RANBP3: variants seen among roughly 807,000 people sequenced by gnomAD.
The protein encoded by RANBP3 is RAN binding protein 3, also known as ran-binding protein 3.
Under a neutral mutation model 77.3 loss-of-function variants are expected in RANBP3, and 14 were observed. That is an observed-to-expected ratio of 0.18 (90% CI 0.12 to 0.28). The LOEUF is 0.28. RANBP3 is among the 10% of genes least tolerant of loss of function. The pLI is 1.00. For synonymous variants in RANBP3, 315 were observed against 312.4 expected (o/e 1.01, Z -0.09); for missense variants, 586 against 752.3 (o/e 0.78, Z 2.59).
intron 10 of RANBP3, 33 bp downstream of exon 10, chr19:5,925,601 T>C: frequency 6.3e-7 from 1 of 1,594,148 alleles, no homozygotes; most frequent in Non-Finnish European, 8.6e-7. Flanking sequence ...TGCATCGCCA[T>C]GCCAGGCTGG....
chr19:5,951,243 C>A, intron 3 of RANBP3, 150 bp downstream of exon 3: 2 of 794,718 alleles, frequency 2.5e-6, no homozygotes, highest in South Asian at 3.1e-5. Flanking sequence ...TGAATTAAAG[C>A]GAGCTGGAAG....
intron 2 of RANBP3, 111 bp from the exon 3 acceptor site, chr19:5,951,707 T>C (rs1488729787): frequency 4.0e-6 from 4 of 991,146 alleles, no homozygotes; most frequent in Non-Finnish European, 4.5e-6. Context: ...CAGCAGCTCC[T>C]GCGCCTGGGA....
At chr19:5,925,417 G>T (rs2057891514) in intron 10 of RANBP3, 3 of 593,152 alleles carry the variant, frequency 5.1e-6, no homozygotes, top group Non-Finnish European at 6.0e-6. Context: ...CAGAACTCTG[G>T]TCCTGTCTCA....
intron 9 of RANBP3, among the ~76,000 whole-genome samples, chr19:5,927,469 T>C (rs981309544): frequency 5.9e-5 from 9 of 152,222 alleles, no homozygotes; most frequent in African/African-American, 2.2e-4. Context: ...GGTTGTCAGA[T>C]GTCAGGAGCA....
At chr19:5,950,287 C>T (rs892833267) in intron 3 of RANBP3, among the ~76,000 whole-genome samples, 1 of 152,174 alleles carries the variant, frequency 6.6e-6, no homozygotes, top group Non-Finnish European at 1.5e-5. Context: ...TCTCACTACC[C>T]CAAACCCACT....
At chr19:5,954,890 G>A (rs1365420057) in intron 2 of RANBP3, among the ~76,000 whole-genome samples, 1 of 152,178 alleles carries the variant, frequency 6.6e-6, no homozygotes, top group Non-Finnish European at 1.5e-5. Context: ...TGGCAGAAAG[G>A]ACTCTAGGGC....
intron 5 of RANBP3, among the ~76,000 whole-genome samples, chr19:5,937,055 C>CAAAAAA (rs1568458812): frequency 1.4e-4 from 1 of 7,156 alleles, no homozygotes. Flanking sequence ...GACTCTGTCT[C>CAAAAAA]CAAAAAAAAA....
intron 3 of RANBP3, 129 bp from the exon 4 acceptor site, chr19:5,941,964 T>C (rs1468136688): frequency 2.9e-6 from 3 of 1,017,430 alleles, no homozygotes; most frequent in Admixed American, 2.0e-5. Flanking sequence ...AGCACCCGAA[T>C]GAGAGCCAGG....
intron 3 of RANBP3, among the ~76,000 whole-genome samples, chr19:5,946,905 C>G (rs1193176523): frequency 6.6e-6 from 1 of 152,222 alleles, no homozygotes; most frequent in South Asian, 2.1e-4. Flanking sequence ...AGTCTGGGGC[C>G]ACCCCTCACC....
In RANBP3 at chr19:5,917,782, C is replaced by T. The variant is rs1178697824; in HGVS notation, c.1660+12G>A. ...TTTCTATCCCCCCCAGGGTAGGGAC[C>T]ACCCGACTCACCAGCTGCGGTGGCC... On this transcript the variant is annotated intron_variant, in intron 16 of 16. Coordinates refer to ENST00000340578, the MANE Select transcript of RANBP3 (RefSeq NM_007322.3). The T allele has an allele frequency of 6.2e-7, 1 of 1,602,332 alleles. No individual in the cohort carries two copies. The highest frequency in any genetic ancestry group is 8.5e-7 in the Non-Finnish European group (1 of 1,174,208).
chr19:5,970,027 G>C (rs1169345032), intron 1 of RANBP3, among the ~76,000 whole-genome samples: 1 of 152,148 alleles, frequency 6.6e-6, no homozygotes, highest in African/African-American at 2.4e-5. Flanking sequence ...CATCTCCCTG[G>C]AGACACTGGT....
chr19:5,976,177 C>G (rs1352255203), intron 1 of RANBP3, among the ~76,000 whole-genome samples: 2 of 152,142 alleles, frequency 1.3e-5, no homozygotes, highest in Non-Finnish European at 2.9e-5. Flanking sequence ...ACCTGCCTAA[C>G]TAACTACAAT....
chr19:5,964,856 G>GGGT (rs1418214588), intron 1 of RANBP3, among the ~76,000 whole-genome samples: 1 of 129,170 alleles, frequency 7.7e-6, no homozygotes, highest in Non-Finnish European at 1.7e-5. Context: ...GTAGGGTGGG[G>GGGT]GGGGGGGTGG....
intron 2 of RANBP3, among the ~76,000 whole-genome samples, chr19:5,953,411 G>C (rs551691629): frequency 1.3e-5 from 2 of 152,290 alleles, no homozygotes; most frequent in Admixed American, 1.3e-4. Context: ...CCAGGGCTAA[G>C]CTCATCACAC....
intron 8 of RANBP3, among the ~76,000 whole-genome samples, chr19:5,928,641 A>G (rs969355573): frequency 6.6e-6 from 1 of 152,048 alleles, no homozygotes; most frequent in Admixed American, 6.6e-5. Context: ...GCCCAGGAAA[A>G]TAAGTCGGGA....
At chr19:5,977,400 CA>C (rs1259255530) in intron 1 of RANBP3, among the ~76,000 whole-genome samples, 1 of 151,914 alleles carries the variant, frequency 6.6e-6, no homozygotes, top group Non-Finnish European at 1.5e-5. Flanking sequence ...GGAAGTGCAG[CA>C]AAAAGGGCCA....
intron 1 of RANBP3, among the ~76,000 whole-genome samples, chr19:5,961,409 T>TCAAAACAAAA (rs760576600): frequency 1.1e-4 from 15 of 140,248 alleles, no homozygotes; most frequent in East Asian, 6.4e-4. Flanking sequence ...AGATTCCATC[T>TCAAAACAAAA]CAAAACAAAA....
intron 2 of RANBP3, among the ~76,000 whole-genome samples, chr19:5,956,819 G>A (rs576687493): frequency 5.9e-5 from 9 of 152,302 alleles, no homozygotes; most frequent in African/African-American, 1.9e-4. Flanking sequence ...CCTGGGAGCC[G>A]GTCACCTGTG....
At chr19:5,967,216 C>T (rs1462426916) in intron 1 of RANBP3, among the ~76,000 whole-genome samples, 2 of 152,166 alleles carry the variant, frequency 1.3e-5, no homozygotes, top group Non-Finnish European at 1.5e-5. Flanking sequence ...TGGATGACTC[C>T]GTTCTTTTCT....
Sources: allele counts gnomAD v4.1 joint callset (sites outside exome capture counted in the v4.1 genomes callset), GRCh38; gene constraint gnomAD v4.1.1; transcripts MANE v1.5; gene names NCBI Gene and HGNC (gene_info 2026-07-23, HGNC 2026-07-21).